Variants in FUT9 observed in about 807,000 individuals in gnomAD.
The protein encoded by FUT9 is 4-galactosyl-N-acetylglucosaminide 3-alpha-L-fucosyltransferase 9.
FUT9 carries 15 observed loss-of-function variants against 29.7 expected under a neutral mutation model. That is an observed-to-expected ratio of 0.51 (90% CI 0.34 to 0.78). The LOEUF is 0.78. FUT9 is among the 30% of genes least tolerant of loss of function. The probability of loss-of-function intolerance (pLI) is 0.01; values close to 1 mark genes in which losing one functional copy is unlikely to be tolerated. For missense variants in FUT9, 319 were observed against 425.4 expected (o/e 0.75, Z 2.20); for synonymous variants, 169 against 153.7 (o/e 1.10, Z -0.74).
rs1362718611 is a variant in FUT9, at chr6:96,214,098, AT to A, written c.*9865del. On this transcript the variant is annotated 3_prime_UTR_variant, in exon 3 of 3. Coordinates refer to ENST00000302103, the MANE Select transcript of FUT9 (RefSeq NM_006581.4). ...CGTTTCTTTTTTCTAACTGCAGCATATTGTGGTAAATTTTCTCCCAAAACTT... is the reference window on the plus strand; with the variant it reads ...CGTTTCTTTTTTCTAACTGCAGCATATGTGGTAAATTTTCTCCCAAAACTT... 1 of 166,940 alleles carries A rather than the reference AT, an allele frequency of 6.0e-6. No homozygotes were observed. The highest frequency in any genetic ancestry group is 3.1e-3 in the Middle Eastern group (1 of 318). 10.3% of individuals were successfully genotyped at this position (166,940 alleles called of 1,614,324 possible).
intron 2 of FUT9, among the ~76,000 whole-genome samples, chr6:96,196,491 A>T (rs540473072): frequency 2.0e-5 from 3 of 152,084 alleles, no homozygotes; most frequent in African/African-American, 7.2e-5. Context: ...AGGCGGGCAG[A>T]TCATGAGGTC....
chr6:96,197,226 G>C (rs1419219481), intron 2 of FUT9, among the ~76,000 whole-genome samples: 2 of 152,118 alleles, frequency 1.3e-5, no homozygotes, highest in African/African-American at 2.4e-5. Context: ...AAATGAATCA[G>C]GGACTTATTA....
chr6:96,158,158 A>T (rs1355749695), intron 2 of FUT9, among the ~76,000 whole-genome samples: 2 of 151,578 alleles, frequency 1.3e-5, no homozygotes, highest in South Asian at 2.1e-4. Context: ...TGAACTTTAC[A>T]TTTGTGTCAT....
At chr6:96,054,577 C>G (rs1770729520) in intron 1 of FUT9, among the ~76,000 whole-genome samples, 1 of 152,050 alleles carries the variant, frequency 6.6e-6, no homozygotes, top group Admixed American at 6.6e-5. Flanking sequence ...AAATTAAAAA[C>G]AAAGGATATA....
At chr6:96,146,319 A>C (rs1372102945) in intron 2 of FUT9, among the ~76,000 whole-genome samples, 1 of 152,318 alleles carries the variant, frequency 6.6e-6, no homozygotes, top group Non-Finnish European at 1.5e-5. Flanking sequence ...TAGCTGAAGA[A>C]CATTTCTATC....
At chr6:96,029,409 A>G (rs1770223002) in intron 1 of FUT9, among the ~76,000 whole-genome samples, 1 of 151,512 alleles carries the variant, frequency 6.6e-6, no homozygotes, top group African/African-American at 2.4e-5. Flanking sequence ...GGTGCAGAGT[A>G]AGGGATTGGC....
chr6:96,035,653 C>A (rs1562102851), intron 1 of FUT9, among the ~76,000 whole-genome samples: 5 of 134,778 alleles, frequency 3.7e-5, no homozygotes, highest in South Asian at 2.2e-4. Context: ...ATTTATTATA[C>A]TAATATAATA....
chr6:96,120,248 C>A (rs1276893797), intron 2 of FUT9, among the ~76,000 whole-genome samples: 2 of 148,124 alleles, frequency 1.4e-5, no homozygotes, highest in Non-Finnish European at 3.0e-5. Flanking sequence ...TTTTATAAGA[C>A]CCACTTTTTC....
At chr6:96,087,712 TGTTAC>T (rs1181236543) in intron 1 of FUT9, among the ~76,000 whole-genome samples, 2 of 152,196 alleles carry the variant, frequency 1.3e-5, no homozygotes, top group African/African-American at 4.8e-5. Context: ...CCTCTAAATA[TGTTAC>T]GTAGAAGTTG....
At chr6:96,072,131 T>G (rs1056460193) in intron 1 of FUT9, among the ~76,000 whole-genome samples, 2 of 152,190 alleles carry the variant, frequency 1.3e-5, no homozygotes, top group African/African-American at 4.8e-5. Context: ...AGACTCCATT[T>G]CTTAATGAGA....
At chr6:96,030,116 T>C (rs1262914359) in intron 1 of FUT9, among the ~76,000 whole-genome samples, 1 of 151,596 alleles carries the variant, frequency 6.6e-6, no homozygotes, top group Non-Finnish European at 1.5e-5. Flanking sequence ...ATAGAAGGCC[T>C]GAACAACATC....
At chr6:96,175,943 TG>T (rs1003194835) in intron 2 of FUT9, among the ~76,000 whole-genome samples, 1 of 152,224 alleles carries the variant, frequency 6.6e-6, no homozygotes, top group African/African-American at 2.4e-5. Context: ...CCAACGTGAC[TG>T]GGCACTAACA....
chr6:96,203,653 G>T lies in FUT9; in HGVS notation c.498G>T (p.Val166=). ...LTYRRDSDIQ[V]PYGFLTVSTN... The stretch of plus-strand genomic sequence containing the variant: ...ACCGCCGTGATTCAGATATCCAAGT[G>T]CCTTATGGCTTCTTGACGGTAAGCA... The change falls in exon 3 of 3, where the codon GTG becomes GTT. Residue 166 remains valine (V), a synonymous_variant. Coordinates refer to ENST00000302103, the MANE Select transcript of FUT9 (RefSeq NM_006581.4). The T allele has an allele frequency of 1.2e-6, 2 of 1,614,022 alleles. No individual in the cohort carries two copies. The highest frequency in any genetic ancestry group is 1.7e-6 in the Non-Finnish European group (2 of 1,179,994).
At chr6:96,035,910 ACAT>A (rs1770354448) in intron 1 of FUT9, among the ~76,000 whole-genome samples, 1 of 88,626 alleles carries the variant, frequency 1.1e-5, no homozygotes, top group Non-Finnish European at 2.3e-5. Context: ...ATAATATAAT[ACAT>A]TATGTTTATT....
chr6:96,100,551 CA>C (rs1478712879), intron 1 of FUT9, among the ~76,000 whole-genome samples: 2 of 152,020 alleles, frequency 1.3e-5, no homozygotes, highest in Non-Finnish European at 2.9e-5. Flanking sequence ...AGATATTAAT[CA>C]AAAGCCAAAA....
intron 1 of FUT9, among the ~76,000 whole-genome samples, chr6:96,085,342 T>G (rs1333551249): frequency 6.6e-6 from 1 of 152,146 alleles, no homozygotes; most frequent in Non-Finnish European, 1.5e-5. Context: ...AAGGGCCCTC[T>G]TCCCTCATAG....
chr6:96,076,820 C>A (rs139691253), intron 1 of FUT9, among the ~76,000 whole-genome samples: 1 of 152,118 alleles, frequency 6.6e-6, no homozygotes, highest in East Asian at 1.9e-4. Context: ...ATGAACTGCT[C>A]GGCTGCAAAT....
At chr6:96,176,119 C>T (rs1178664759) in intron 2 of FUT9, among the ~76,000 whole-genome samples, 2 of 152,178 alleles carry the variant, frequency 1.3e-5, no homozygotes, top group African/African-American at 2.4e-5. Flanking sequence ...CCCTCTCTAC[C>T]TTCAGCCTTG....
chr6:96,098,054 T>C (rs1343795310), intron 1 of FUT9, among the ~76,000 whole-genome samples: 3 of 151,890 alleles, frequency 2.0e-5, no homozygotes, highest in Non-Finnish European at 4.4e-5. Flanking sequence ...TTGTCTAAGT[T>C]ATTGCCTATT....
Sources: allele counts gnomAD v4.1 joint callset (sites outside exome capture counted in the v4.1 genomes callset), GRCh38; gene constraint gnomAD v4.1.1; transcripts MANE v1.5; gene names NCBI Gene and HGNC (gene_info 2026-07-23, HGNC 2026-07-21).